Variants in CACNB4 observed in about 807,000 individuals in gnomAD.
CACNB4 encodes the protein calcium voltage-gated channel auxiliary subunit beta 4.
A neutral mutation model predicts 71.2 loss-of-function variants in CACNB4; 32 were observed. That is an observed-to-expected ratio of 0.45 (90% CI 0.34 to 0.60). CACNB4 has a LOEUF of 0.60. Among genes scored for constraint, CACNB4 ranks in the 20% least tolerant of loss-of-function variants. The pLI is 0.01. For synonymous variants in CACNB4, 231 were observed against 236.9 expected, an observed-to-expected ratio of 0.97 and a Z score of 0.23; for missense variants, 464 against 647.9, an observed-to-expected ratio of 0.72 and a Z score of 3.08.
intron 2 of CACNB4, among the ~76,000 whole-genome samples, chr2:151,897,974 G>A (rs550006410): frequency 6.4e-4 from 98 of 152,234 alleles, no homozygotes; most frequent in African/African-American, 2.3e-3. Context: ...TCTTCAAAAA[G>A]GGATAGAAAT....
intron 2 of CACNB4, among the ~76,000 whole-genome samples, chr2:152,074,651 CAT>C (rs1686901884): frequency 2.2e-5 from 2 of 91,806 alleles, no homozygotes; most frequent in African/African-American, 4.9e-5. Context: ...CTATCATCAC[CAT>C]CACCCCCTCA....
intron 12 of CACNB4, among the ~76,000 whole-genome samples, chr2:151,843,301 C>T (rs1011536959): frequency 1.3e-5 from 2 of 152,200 alleles, no homozygotes; most frequent in Non-Finnish European, 2.9e-5. Context: ...AGTGTTAGCA[C>T]ATCTCAACTT....
At chr2:151,946,244 A>G (rs147414546) in intron 2 of CACNB4, among the ~76,000 whole-genome samples, 2,266 of 151,842 alleles carry the variant, frequency 0.015, 53 homozygotes, top group African/African-American at 0.051. Context: ...CAGGAGAATC[A>G]CTTGAACCCG....
chr2:151,965,980 G>A (rs1034324979), intron 2 of CACNB4, among the ~76,000 whole-genome samples: 7 of 152,108 alleles, frequency 4.6e-5, no homozygotes, highest in East Asian at 1.9e-4. Context: ...CTCAAGGTCC[G>A]AACACTGATA....
intron 2 of CACNB4, among the ~76,000 whole-genome samples, chr2:152,040,407 A>G (rs1335239141): frequency 6.6e-6 from 1 of 152,084 alleles, no homozygotes; most frequent in Non-Finnish European, 1.5e-5. Context: ...TCAGCTAATT[A>G]ATTTTATTTA....
At chr2:151,910,018 A>G (rs563790484) in intron 2 of CACNB4, among the ~76,000 whole-genome samples, 30 of 152,208 alleles carry the variant, frequency 2.0e-4, no homozygotes, top group Non-Finnish European at 3.1e-4. Flanking sequence ...AAGCGTTCCT[A>G]TTTCTCCACA....
chr2:152,047,544 G>A (rs1685200347), intron 2 of CACNB4, among the ~76,000 whole-genome samples: 1 of 152,090 alleles, frequency 6.6e-6, no homozygotes, highest in African/African-American at 2.4e-5. Flanking sequence ...ATTGATTTAC[G>A]ATTATGCTTG....
chr2:152,085,825 A>ACAAAC (rs58460090), intron 2 of CACNB4, among the ~76,000 whole-genome samples: 2 of 149,802 alleles, frequency 1.3e-5, no homozygotes, highest in African/African-American at 2.5e-5. Flanking sequence ...AAAAAAAAAA[A>ACAAAC]AAACAAACAA....
intron 12 of CACNB4, among the ~76,000 whole-genome samples, chr2:151,849,534 C>T (rs1356111839): frequency 1.3e-5 from 2 of 152,236 alleles, no homozygotes; most frequent in African/African-American, 2.4e-5. Context: ...TTTCAACCTC[C>T]TGAGTAGCTG....
At chr2:152,042,933 G>C (rs540058730) in intron 2 of CACNB4, among the ~76,000 whole-genome samples, 1 of 152,280 alleles carries the variant, frequency 6.6e-6, no homozygotes, top group South Asian at 2.1e-4. Context: ...GGAGAGGAGC[G>C]TGACCTCTGC....
intron 2 of CACNB4, among the ~76,000 whole-genome samples, chr2:151,953,363 A>G (rs1471246413): frequency 6.6e-6 from 1 of 152,070 alleles, no homozygotes; most frequent in Non-Finnish European, 1.5e-5. Context: ...CTGTTTCCTC[A>G]TTCAGCCTGC....
intron 2 of CACNB4, among the ~76,000 whole-genome samples, chr2:152,085,164 G>T (rs981616991): frequency 1.3e-5 from 2 of 152,050 alleles, no homozygotes; most frequent in Non-Finnish European, 2.9e-5. Flanking sequence ...GTGGAGGGAT[G>T]AAAGCAGGGG....
rs202015300 is a variant in CACNB4, at chr2:152,053,344, GT to G, written c.147+44985del. Among the ~76,000 whole-genome samples the G allele has an allele frequency of 1.7e-3, 266 of 152,294 alleles. 1 individual carries two copies. Among genetic ancestry groups the G allele is most frequent in the African/African-American group, 6.2e-3 (256 of 41,560 alleles). On this transcript the variant is annotated intron_variant, in intron 2 of 13. Coordinates refer to ENST00000539935, the MANE Select transcript of CACNB4 (RefSeq NM_000726.5). ...GCTCCATAAAAAACCAAAGGGCAGG[GT>G]TTGGAGAGCTTGTGGATTGCTGAGT... is the stretch of plus-strand genomic sequence containing the variant.
chr2:151,956,953 C>T (rs1439876360), intron 2 of CACNB4, among the ~76,000 whole-genome samples: 1 of 152,140 alleles, frequency 6.6e-6, no homozygotes, highest in African/African-American at 2.4e-5. Flanking sequence ...CAAGACCAGC[C>T]TGACCAACAA....
chr2:151,998,315 C>CAA lies in CACNB4; in HGVS notation c.147+100013_147+100014dup, dbSNP rs70974815. ...AATCCAGCCTGGGCAACTCCATCTC[C>CAA]AAAAAAAAAAAAAAAAAAAAAAAAA... On this transcript the variant is annotated intron_variant, in intron 2 of 13. Transcript: ENST00000539935. Among the ~76,000 whole-genome samples the CAA allele has an allele frequency of 3.8e-3, 420 of 110,644 alleles. 21 individuals are homozygous for CAA. Among genetic ancestry groups the CAA allele is most frequent in the African/African-American group, 0.016 (395 of 24,924 alleles). The allele number at this position is 110,644 out of a possible 152,430, so 72.6% of individuals were successfully genotyped here. A position where few individuals can be genotyped will look rare whatever the true frequency, so the allele number is the denominator to read the frequency against.
Position 152,079,049 on chromosome 2 carries a change from A to C in CACNB4, c.147+19281T>G, listed in dbSNP as rs567481391. On this transcript the variant is annotated intron_variant, in intron 2 of 13. Transcript: ENST00000539935. The stretch of plus-strand genomic sequence containing the variant: ...CCAGCTAACCCACCAAGAGGCATGC[A>C]GAGTGAGTGCAAAATAAACCTGTGT... Among the ~76,000 whole-genome samples the C allele has an allele frequency of 2.0e-5, 3 of 152,106 alleles. No homozygotes were observed. The South Asian group carries it at 6.3e-4, about 32-fold the overall frequency.
At chr2:151,903,873 A>C (rs1307980301) in intron 2 of CACNB4, among the ~76,000 whole-genome samples, 1 of 152,096 alleles carries the variant, frequency 6.6e-6, no homozygotes, top group Non-Finnish European at 1.5e-5. Context: ...TGGCTATTTT[A>C]CCTTTCTGAC....
chr2:151,867,753 T>A (rs988714719), intron 9 of CACNB4: 1 of 152,198 alleles, frequency 6.6e-6, no homozygotes, highest in African/African-American at 2.4e-5. Flanking sequence ...CAGTGAAATG[T>A]CAGTTGCGCT....
intron 2 of CACNB4, among the ~76,000 whole-genome samples, chr2:152,039,146 C>T (rs1476447526): frequency 2.0e-5 from 3 of 152,124 alleles, no homozygotes; most frequent in East Asian, 1.9e-4. Context: ...GGGCCGAGCG[C>T]GGTGGCTCAC....
Sources: allele counts gnomAD v4.1 joint callset (sites outside exome capture counted in the v4.1 genomes callset), GRCh38; gene constraint gnomAD v4.1.1; transcripts MANE v1.5; gene names NCBI Gene and HGNC (gene_info 2026-07-23, HGNC 2026-07-21).